The following LAMA2 variants were observed in gnomAD, a reference collection of about 807,000 sequenced individuals.
LAMA2 encodes laminin subunit alpha 2.
Under a neutral mutation model 364.8 loss-of-function variants are expected in LAMA2, and 269 were observed. The ratio of observed to expected loss-of-function variants is 0.74; its 90% confidence interval spans 0.67 to 0.82. The LOEUF is 0.82. Ranked by LOEUF, LAMA2 falls within the 40% of genes least tolerant of loss-of-function variation. The pLI is 0.00. For missense variants in LAMA2, 3,807 were observed against 3,873.2 expected (o/e 0.98, Z 0.45); for synonymous variants, 1,379 against 1,370.6 (o/e 1.01, Z -0.14).
At chr6:129,275,247 T>C (rs1788222283) in intron 17 of LAMA2, among the ~76,000 whole-genome samples, 1 of 152,024 alleles carries the variant, frequency 6.6e-6, no homozygotes, top group South Asian at 2.1e-4. Context: ...CTAGATGTTT[T>C]AGTGCTCTTT....
chr6:129,081,213 G>A (rs1373905845), intron 3 of LAMA2, among the ~76,000 whole-genome samples: 1 of 151,304 alleles, frequency 6.6e-6, no homozygotes, highest in African/African-American at 2.4e-5. Flanking sequence ...TGGACACAGG[G>A]TGGGTAACAT....
intron 10 of LAMA2, among the ~76,000 whole-genome samples, chr6:129,181,959 T>G (rs1279208407): frequency 6.6e-6 from 1 of 151,774 alleles, no homozygotes; most frequent in Non-Finnish European, 1.5e-5. Context: ...CCACTCACAG[T>G]CCAACTTCAT....
intron 1 of LAMA2, among the ~76,000 whole-genome samples, chr6:128,936,229 C>T (rs1019911140): frequency 8.5e-5 from 13 of 152,158 alleles, no homozygotes; most frequent in South Asian, 2.1e-4. Flanking sequence ...CTTGTGAAAA[C>T]GACTAATACA....
At chr6:129,388,726 A>C (rs1779163273) in intron 35 of LAMA2, among the ~76,000 whole-genome samples, 1 of 152,082 alleles carries the variant, frequency 6.6e-6, no homozygotes, top group South Asian at 2.1e-4. Context: ...ACAAAGAAAA[A>C]ACATACAGCT....
intron 12 of LAMA2, among the ~76,000 whole-genome samples, chr6:129,209,997 C>T (rs889986370): frequency 1.3e-5 from 1 of 78,720 alleles, no homozygotes; most frequent in East Asian, 2.9e-4. Flanking sequence ...GAGCGAGACT[C>T]CATCTCAAAA....
intron 12 of LAMA2, among the ~76,000 whole-genome samples, chr6:129,220,662 C>G (rs945069320): frequency 6.6e-6 from 1 of 152,106 alleles, no homozygotes; most frequent in Non-Finnish European, 1.5e-5. Context: ...GTCATACTTT[C>G]CAAATAGTTT....
At chr6:128,961,721 C>G (rs991847070) in intron 1 of LAMA2, among the ~76,000 whole-genome samples, 2 of 151,870 alleles carry the variant, frequency 1.3e-5, no homozygotes, top group African/African-American at 4.8e-5. Context: ...ATGTTAATTT[C>G]CTTTGGCAAC....
intron 1 of LAMA2, 112 bp from the exon 2 acceptor site, chr6:129,049,806 G>C: frequency 1.2e-6 from 1 of 848,014 alleles, no homozygotes; most frequent in Non-Finnish European, 2.0e-6. Context: ...ATTATCTCAT[G>C]TTGGGTTACT....
rs76485103 is a variant in LAMA2, at chr6:129,355,760, T to G, written c.4717+2403T>G. Reference sequence around the variant, plus strand: ...AAACACTCAGTTTAGTAGCATGTATTGTACAAGAGTTAATTTTGCTTCCTT... The same window carrying G: ...AAACACTCAGTTTAGTAGCATGTATGGTACAAGAGTTAATTTTGCTTCCTT... On this transcript the variant is annotated intron_variant, in intron 32 of 64. Coordinates refer to ENST00000421865, the MANE Select transcript of LAMA2 (RefSeq NM_000426.4). 3.0e-3 allele frequency among the ~76,000 whole-genome samples: 451 copies of G among 152,278 alleles called. 1 individual carries two copies. The highest frequency in any genetic ancestry group is 0.01 in the African/African-American group (418 of 41,568).
intron 3 of LAMA2, among the ~76,000 whole-genome samples, chr6:129,068,967 C>T: frequency 6.6e-6 from 1 of 152,058 alleles, no homozygotes; most frequent in Non-Finnish European, 1.5e-5. Context: ...GTATTTTGAT[C>T]TAAAATGTTG....
At position 129,282,959 on chromosome 6, in the gene LAMA2, G is replaced by A. The variant is rs118056725; in HGVS notation, c.2537+2812G>A. 5.7e-3 allele frequency among the ~76,000 whole-genome samples: 863 copies of A among 152,180 alleles called. 39 individuals are homozygous for A. In the East Asian group the frequency reaches 0.08, roughly 14 times the overall value. ...ACAAGATGGCCTTGCTTCTTGAATC[G>A]AGGGGGTGAAGAGAAACAGTGAACA... On this transcript the variant is annotated intron_variant, in intron 18 of 64. Coordinates refer to ENST00000421865, the MANE Select transcript of LAMA2 (RefSeq NM_000426.4).
intron 24 of LAMA2, 138 bp from the exon 25 acceptor site, chr6:129,315,338 C>G (rs981486309): frequency 1.4e-6 from 1 of 722,838 alleles, no homozygotes; most frequent in East Asian, 2.7e-5. Flanking sequence ...TTGCCCACTG[C>G]GTGTGAGTTC....
At chr6:129,103,318 G>A (rs1414639938) in intron 4 of LAMA2, among the ~76,000 whole-genome samples, 1 of 152,256 alleles carries the variant, frequency 6.6e-6, no homozygotes, top group African/African-American at 2.4e-5. Context: ...ATTATGTTAA[G>A]TTTACACACA....
intron 1 of LAMA2, among the ~76,000 whole-genome samples, chr6:129,016,312 A>C (rs1220996212): frequency 2.0e-5 from 3 of 152,026 alleles, no homozygotes; most frequent in Non-Finnish European, 4.4e-5. Flanking sequence ...CTACTCTATG[A>C]TGTTGCAATT....
intron 34 of LAMA2, among the ~76,000 whole-genome samples, chr6:129,382,091 C>CA (rs998153526): frequency 1.3e-5 from 2 of 152,184 alleles, no homozygotes; most frequent in African/African-American, 4.8e-5. Context: ...GCCTAGTATG[C>CA]AAGCACTCTG....
At chr6:129,011,420 TCTC>T (rs762430810) in intron 1 of LAMA2, among the ~76,000 whole-genome samples, 14 of 152,180 alleles carry the variant, frequency 9.2e-5, no homozygotes, top group Non-Finnish European at 1.6e-4. Context: ...AAAAGACTGT[TCTC>T]CTATTTGGAA....
At chr6:129,114,592 T>C (rs1003143993) in intron 4 of LAMA2, among the ~76,000 whole-genome samples, 10 of 152,002 alleles carry the variant, frequency 6.6e-5, no homozygotes, top group Admixed American at 5.9e-4. Flanking sequence ...TGTATTTGCT[T>C]TTTTTAAAAA....
intron 44 of LAMA2, among the ~76,000 whole-genome samples, chr6:129,444,170 G>A (rs73775415): frequency 0.025 from 3,857 of 152,172 alleles, 163 homozygotes; most frequent in African/African-American, 0.088. Context: ...CAACTGCTCC[G>A]GAGAATAGAG....
At position 129,315,563 on chromosome 6, in the gene LAMA2, C is replaced by G; in HGVS notation, c.3643C>G (p.Pro1215Ala). ...TTTKGIVFQH[P>A]EIVAHMDLMR... ...CACCAAGGGCATTGTTTTTCAACAT[C>G]CAGAGATTGTTGCCCACATGGACCT... The change falls in exon 25 of 65, where the codon CCA (proline) becomes GCA (alanine). Residue 1215 changes from proline to alanine, a missense_variant. Pro to Ala is a conservative substitution (Grantham distance 27). This residue lies in a region of LAMA2 where 3,333 missense variants were observed against 3,345.7 expected (regional missense o/e 1.00). Transcript: ENST00000421865. The G allele has an allele frequency of 6.2e-7, 1 of 1,614,026 alleles. No homozygotes were observed. Among genetic ancestry groups the G allele is most frequent in the Non-Finnish European group, 8.5e-7 (1 of 1,179,910 alleles).
Sources: allele counts gnomAD v4.1 joint callset (sites outside exome capture counted in the v4.1 genomes callset), GRCh38; gene constraint gnomAD v4.1.1; regional missense constraint gnomAD v4.1.1; transcripts MANE v1.5; gene names NCBI Gene and HGNC (gene_info 2026-07-23, HGNC 2026-07-21).